Variants in MAP7 observed in about 807,000 individuals in gnomAD.
MAP7 encodes ensconsin.
In MAP7, 52 loss-of-function variants were observed where a neutral mutation model predicts 94.8. The ratio of observed to expected loss-of-function variants is 0.55; its 90% CI spans 0.44 to 0.69. The LOEUF (loss-of-function observed/expected upper bound fraction) is 0.69, where lower values mean the gene tolerates loss of function less well. Among genes scored for constraint, MAP7 ranks in the 30% least tolerant of loss-of-function variants. The pLI is 0.00. For missense variants in MAP7, 940 were observed against 964.6 expected (o/e 0.97, Z 0.34); for synonymous variants, 350 against 357.0 (o/e 0.98, Z 0.22).
intron 1 of MAP7, among the ~76,000 whole-genome samples, chr6:136,497,908 T>C (rs1297420244): frequency 6.6e-6 from 1 of 151,368 alleles, no homozygotes; most frequent in Non-Finnish European, 1.5e-5. Context: ...CTTCTCAATA[T>C]ACCACCCTTT....
intron 1 of MAP7, among the ~76,000 whole-genome samples, chr6:136,471,441 C>A (rs1808948097): frequency 6.6e-6 from 1 of 152,174 alleles, no homozygotes; most frequent in Non-Finnish European, 1.5e-5. Context: ...ACAATCTAAT[C>A]TGGCACTCGG....
At position 136,361,125 on chromosome 6, in the gene MAP7, A is replaced by C; in HGVS notation, c.1581T>G (p.Arg527=). ...CTTCCAGCCTGCGCGACTCCTCCTC[A>C]CGGCGAGTCGTCCTCTCTTCAGCCA... ...QRVAEERTTR[R]EEESRRLEAE... Residue 527 remains arginine (R), a synonymous_variant, in exon 12 of 18, where the codon CGT becomes CGG. Transcript: ENST00000354570. 1 of 1,605,416 alleles carries C rather than the reference A, an allele frequency of 6.2e-7. No individual in the cohort carries two copies. The highest frequency in any genetic ancestry group is 1.1e-5 in the South Asian group (1 of 91,064).
intron 1 of MAP7, among the ~76,000 whole-genome samples, chr6:136,423,883 G>A (rs553276675): frequency 2.0e-5 from 3 of 150,176 alleles, no homozygotes; most frequent in South Asian, 2.2e-4. Context: ...GGCAACCCCC[G>A]CCTCCCGGGT....
chr6:136,381,292 G>T (rs1777653509), intron 6 of MAP7, among the ~76,000 whole-genome samples: 1 of 152,002 alleles, frequency 6.6e-6, no homozygotes. Context: ...TGATCCCCCT[G>T]CCTCAGCCCC....
intron 2 of MAP7, among the ~76,000 whole-genome samples, chr6:136,418,233 T>C (rs1790145196): frequency 6.6e-6 from 1 of 152,236 alleles, no homozygotes; most frequent in African/African-American, 2.4e-5. Context: ...GTTTGTTTTT[T>C]GAGACAGAGT....
intron 1 of MAP7, among the ~76,000 whole-genome samples, chr6:136,503,022 C>T (rs1820253936): frequency 6.6e-6 from 1 of 152,170 alleles, no homozygotes; most frequent in Admixed American, 6.5e-5. Flanking sequence ...AGCTAACTCC[C>T]TACCTTTTAA....
intron 1 of MAP7, among the ~76,000 whole-genome samples, chr6:136,459,097 T>C (rs1415067624): frequency 6.6e-6 from 1 of 152,086 alleles, no homozygotes; most frequent in African/African-American, 2.4e-5. Flanking sequence ...AGGAACTGAA[T>C]AGACATTTCT....
At chr6:136,546,772 C>T (rs1461725179) in intron 1 of MAP7, among the ~76,000 whole-genome samples, 1 of 152,170 alleles carries the variant, frequency 6.6e-6, no homozygotes, top group Non-Finnish European at 1.5e-5. Context: ...TACATCAATA[C>T]GAGGCCCGAG....
rs551903801 is a variant in MAP7, at chr6:136,408,782, T to A, written c.244+2838A>T. ...GTCTGCTTTTAAACTTTTTTTCTTT[T>A]AAAAAAAATTTCCACTGCTGTTATA... On this transcript the variant is annotated intron_variant, in intron 3 of 17. Transcript: ENST00000354570. Among the ~76,000 whole-genome samples the A allele has an allele frequency of 3.1e-3, 471 of 152,192 alleles. 4 individuals carry two copies. The highest frequency in any genetic ancestry group is 7.7e-3 in the Admixed American group (118 of 15,290).
intron 1 of MAP7, among the ~76,000 whole-genome samples, chr6:136,429,705 A>G (rs1475924424): frequency 1.3e-5 from 2 of 152,230 alleles, no homozygotes; most frequent in Non-Finnish European, 2.9e-5. Flanking sequence ...GCTTTCTGAC[A>G]CATTGCGCTG....
At chr6:136,482,397 G>A (rs558023124) in intron 1 of MAP7, among the ~76,000 whole-genome samples, 2 of 152,088 alleles carry the variant, frequency 1.3e-5, no homozygotes, top group South Asian at 4.1e-4. Flanking sequence ...TCAGGAGTTC[G>A]AGACCAGCCT....
chr6:136,496,469 C>T (rs570764156), intron 1 of MAP7, among the ~76,000 whole-genome samples: 1 of 151,330 alleles, frequency 6.6e-6, no homozygotes, highest in South Asian at 2.1e-4. Context: ...TTCTCTTTTT[C>T]TTTTTACTTA....
intron 1 of MAP7, among the ~76,000 whole-genome samples, chr6:136,503,215 A>G (rs1401921630): frequency 2.0e-5 from 3 of 152,102 alleles, no homozygotes; most frequent in Non-Finnish European, 4.4e-5. Flanking sequence ...TCCCTCCTTT[A>G]TTCTGAAAGA....
At position 136,360,806 on chromosome 6, in the gene MAP7, CAG is replaced by C; in HGVS notation, c.1702-10_1702-9del. 1 of 1,613,420 alleles carries C rather than the reference CAG, an allele frequency of 6.2e-7. No individual in the cohort carries two copies. On this transcript the variant is annotated splice_polypyrimidine_tract_variant and intron_variant, in intron 12 of 17. Transcript: ENST00000354570. ...GCGAGCTTCTTCTTCTTTCTGAAAACAGAAGGTCGGCGTCTGCCTCTGACAAA... is the reference window on the plus strand; with the variant it reads ...GCGAGCTTCTTCTTCTTTCTGAAAACAAGGTCGGCGTCTGCCTCTGACAAA...
chr6:136,473,006 T>C (rs939648442), intron 1 of MAP7, among the ~76,000 whole-genome samples: 5 of 152,218 alleles, frequency 3.3e-5, no homozygotes, highest in African/African-American at 1.2e-4. Flanking sequence ...TTTTACAGAA[T>C]GGATGCACTT....
intron 1 of MAP7, among the ~76,000 whole-genome samples, chr6:136,422,001 G>T (rs1791528059): frequency 6.6e-6 from 1 of 152,168 alleles, no homozygotes; most frequent in Non-Finnish European, 1.5e-5. Context: ...CAGCTTGAGT[G>T]ACCCATCTTA....
chr6:136,354,201 A>T (rs2128540348), intron 16 of MAP7, among the ~76,000 whole-genome samples: 1 of 145,200 alleles, frequency 6.9e-6, no homozygotes, highest in Non-Finnish European at 1.5e-5. Flanking sequence ...TATCTACTAT[A>T]TATAAATTTC....
intron 16 of MAP7, among the ~76,000 whole-genome samples, chr6:136,350,673 G>A (rs1788916661): frequency 6.6e-6 from 1 of 152,090 alleles, no homozygotes; most frequent in African/African-American, 2.4e-5. Flanking sequence ...GGCAACACAG[G>A]GAGACCTAAT....
intron 9 of MAP7, 24 bp downstream of exon 9, chr6:136,366,303 G>A (rs1215465614): frequency 1.3e-6 from 2 of 1,566,046 alleles, no homozygotes; most frequent in African/African-American, 2.7e-5. Flanking sequence ...AAACAACCCA[G>A]CCAGCCACTT....
Sources: allele counts gnomAD v4.1 joint callset (sites outside exome capture counted in the v4.1 genomes callset), GRCh38; gene constraint gnomAD v4.1.1; transcripts MANE v1.5; gene names NCBI Gene and HGNC (gene_info 2026-07-23, HGNC 2026-07-21).